The following NCKAP5 variants were observed in gnomAD, a reference collection of about 807,000 sequenced individuals.
NCKAP5 encodes nck-associated protein 5.
Under a neutral mutation model 167.0 loss-of-function variants are expected in NCKAP5, and 92 were observed. The ratio of observed to expected loss-of-function variants is 0.55; its 90% CI spans 0.47 to 0.66. The LOEUF (loss-of-function observed/expected upper bound fraction) is 0.66. NCKAP5 is among the 30% of genes least tolerant of loss of function. The pLI, the probability that NCKAP5 is intolerant of heterozygous loss-of-function variation, is 0.00. For synonymous variants in NCKAP5, 891 were observed against 877.4 expected (o/e 1.02, Z -0.27); for missense variants, 2,378 against 2,315.0 (o/e 1.03, Z -0.56).
chr2:133,240,835 G>A (rs529764085), intron 4 of NCKAP5, among the ~76,000 whole-genome samples: 3 of 152,282 alleles, frequency 2.0e-5, no homozygotes, highest in African/African-American at 7.2e-5. Context: ...CTGGATGGCT[G>A]TCTTCTGCCT....
At chr2:133,616,859 C>A in the NCKAP5 span, among the ~76,000 whole-genome samples, 1 of 152,086 alleles carries the variant, frequency 6.6e-6, no homozygotes, top group South Asian at 2.1e-4. Flanking sequence ...AAAAAGAGAA[C>A]TTTAGACCAA....
At chr2:133,653,885 G>T in the NCKAP5 span, among the ~76,000 whole-genome samples, 2 of 152,248 alleles carry the variant, frequency 1.3e-5, no homozygotes, top group African/African-American at 4.8e-5. Context: ...AGAAGATCAG[G>T]TAGTCTAGCC....
At chr2:133,144,898 C>T (rs2083132408) in intron 5 of NCKAP5, among the ~76,000 whole-genome samples, 1 of 152,042 alleles carries the variant, frequency 6.6e-6, no homozygotes, top group South Asian at 2.1e-4. Flanking sequence ...CACTTTAACT[C>T]AACAACTTAC....
chr2:133,621,160 C>G, the NCKAP5 span, among the ~76,000 whole-genome samples: 1 of 151,886 alleles, frequency 6.6e-6, no homozygotes, highest in African/African-American at 2.4e-5. Context: ...AATGCCTACA[C>G]CAAAAAACCT....
intron 3 of NCKAP5, among the ~76,000 whole-genome samples, chr2:133,435,792 G>C (rs1052515791): frequency 3.9e-5 from 6 of 152,134 alleles, no homozygotes; most frequent in Middle Eastern, 3.2e-3. Flanking sequence ...TGATATCTCT[G>C]TTCTTTTTCT....
intron 6 of NCKAP5, among the ~76,000 whole-genome samples, chr2:133,079,420 A>G (rs554391235): frequency 6.6e-6 from 1 of 152,270 alleles, no homozygotes; most frequent in South Asian, 2.1e-4. Flanking sequence ...ATACTTTAAT[A>G]TTTGAATGTG....
In NCKAP5 at chr2:133,547,018, C is replaced by T. The variant is rs563166617; in HGVS notation, c.-62+12032G>A. ...GACAGTGGGCGCAGGCCAGTGGGTGCGCGCACCGTGCGCGAGCTGAAGCAG... is the reference window on the plus strand; with the variant it reads ...GACAGTGGGCGCAGGCCAGTGGGTGTGCGCACCGTGCGCGAGCTGAAGCAG... On this transcript the variant is annotated intron_variant, in intron 2 of 19. Coordinates refer to ENST00000409261, the MANE Select transcript of NCKAP5 (RefSeq NM_207363.3). Among the ~76,000 whole-genome samples the T allele has an allele frequency of 4.4e-3, 674 of 152,210 alleles. 2 individuals carry two copies. The highest frequency in any genetic ancestry group is 7.3e-3 in the Non-Finnish European group (494 of 68,020).
At chr2:133,508,354 G>A (rs548251526) in intron 3 of NCKAP5, among the ~76,000 whole-genome samples, 5 of 152,260 alleles carry the variant, frequency 3.3e-5, no homozygotes, top group Non-Finnish European at 4.4e-5. Flanking sequence ...GATCAATGTA[G>A]CCAGAAGAAC....
At chr2:132,816,485 G>A (rs565252626) in intron 11 of NCKAP5, among the ~76,000 whole-genome samples, 96 of 152,230 alleles carry the variant, frequency 6.3e-4, no homozygotes, top group African/African-American at 2.1e-3. Context: ...TCCACAGGAG[G>A]GCTGTCCATG....
At chr2:132,712,631 A>G (rs764721723) in intron 19 of NCKAP5, among the ~76,000 whole-genome samples, 13 of 152,128 alleles carry the variant, frequency 8.5e-5, no homozygotes, top group South Asian at 2.1e-4. Flanking sequence ...CAGCCTGGGC[A>G]ACAGAGTGAG....
intron 3 of NCKAP5, among the ~76,000 whole-genome samples, chr2:133,349,165 G>C (rs1490551291): frequency 6.6e-6 from 1 of 152,096 alleles, no homozygotes; most frequent in African/African-American, 2.4e-5. Flanking sequence ...TAAATTCAAG[G>C]CCTATATTCC....
intron 16 of NCKAP5, among the ~76,000 whole-genome samples, chr2:132,737,812 C>A (rs1691659582): frequency 6.6e-6 from 1 of 152,204 alleles, no homozygotes; most frequent in Admixed American, 6.5e-5. Flanking sequence ...TGTTATTAGA[C>A]TGTAAGCATC....
intron 1 of NCKAP5, among the ~76,000 whole-genome samples, chr2:133,561,491 A>G (rs1688155619): frequency 6.6e-6 from 1 of 152,238 alleles, no homozygotes; most frequent in South Asian, 2.1e-4. Context: ...ATGAAGCTAT[A>G]CTACATGTCA....
intron 6 of NCKAP5, among the ~76,000 whole-genome samples, chr2:133,006,221 T>A (rs562425021): frequency 6.6e-6 from 1 of 152,268 alleles, no homozygotes; most frequent in South Asian, 2.1e-4. Flanking sequence ...ATTACACTAC[T>A]GCACTCCAGC....
intron 5 of NCKAP5, among the ~76,000 whole-genome samples, chr2:133,185,093 A>T (rs1033632276): frequency 5.3e-5 from 8 of 152,006 alleles, no homozygotes; most frequent in African/African-American, 1.9e-4. Context: ...TATAGTTTGA[A>T]TTCACACATT....
At chr2:133,344,742 CTTAG>C (rs1683847241) in intron 3 of NCKAP5, among the ~76,000 whole-genome samples, 1 of 152,016 alleles carries the variant, frequency 6.6e-6, no homozygotes, top group Non-Finnish European at 1.5e-5. Context: ...GAGAAAGACT[CTTAG>C]TTAGCTTTTG....
chr2:133,521,855 C>A (rs1451686405), intron 2 of NCKAP5, among the ~76,000 whole-genome samples: 3 of 152,174 alleles, frequency 2.0e-5, no homozygotes, highest in Non-Finnish European at 4.4e-5. Context: ...GGTTTCAAAT[C>A]ACATCTGAGT....
At chr2:132,729,019 G>A (rs1014797472) in intron 17 of NCKAP5, 67 bp from the exon 18 acceptor site, 1 of 1,582,712 alleles carries the variant, frequency 6.3e-7, no homozygotes. Context: ...TTTAGGGAAG[G>A]AGGTGGGGGA....
chr2:132,957,816 G>T lies in NCKAP5; in HGVS notation c.579+5904C>A, dbSNP rs182301802. On this transcript the variant is annotated intron_variant, in intron 8 of 19. Transcript: ENST00000409261. ...TAGAAGAGGTTTTGCCCCACACCCAGAAGGAAGGAATGCTGCAAGCAGAGG... is the reference window on the plus strand; with the variant it reads ...TAGAAGAGGTTTTGCCCCACACCCATAAGGAAGGAATGCTGCAAGCAGAGG... Among the ~76,000 whole-genome samples the T allele has an allele frequency of 3.8e-3, 582 of 152,262 alleles. 1 individual carries two copies. The highest frequency in any genetic ancestry group is 8.7e-3 in the South Asian group (42 of 4,824).
Sources: gnomAD v4.1 joint callset for allele counts (sites outside exome capture counted in the v4.1 genomes callset) on GRCh38, gnomAD v4.1.1 for gene constraint, MANE v1.5 for transcripts, NCBI Gene and HGNC (gene_info 2026-07-23, HGNC 2026-07-21) for gene names.